Variants in TMEM145 observed in about 807,000 individuals in gnomAD.
TMEM145 encodes transmembrane protein 145.
In TMEM145, 46 loss-of-function variants were observed where a neutral mutation model predicts 68.5. That is an observed-to-expected ratio of 0.67 (90% CI 0.53 to 0.86). The LOEUF is 0.86. Among genes scored for constraint, TMEM145 ranks in the 40% least tolerant of loss-of-function variants. The pLI, the probability that TMEM145 is intolerant of heterozygous loss-of-function variation, is 0.00. For synonymous variants in TMEM145, 255 were observed against 280.2 expected, an observed-to-expected ratio of 0.91 and a Z score of 0.90; for missense variants, 570 against 645.8, an observed-to-expected ratio of 0.88 and a Z score of 1.27.
At chr19:42,322,947 C>T (rs554024314) in intron 13 of TMEM145, among the ~76,000 whole-genome samples, 28 of 152,152 alleles carry the variant, frequency 1.8e-4, no homozygotes, top group African/African-American at 6.3e-4. Context: ...GTGATCCGCC[C>T]GCCTCGGCCT....
intron 14 of TMEM145, 73 bp downstream of exon 14, chr19:42,323,862 C>G: frequency 7.4e-7 from 1 of 1,360,456 alleles, no homozygotes; most frequent in Non-Finnish European, 1.0e-6. Flanking sequence ...GCTCCCGGCC[C>G]CGCCGCCGCC....
chr19:42,320,505 A>G lies in TMEM145; in HGVS notation c.1194+68A>G. 1.9e-6 allele frequency: 3 copies of G among 1,600,692 alleles called. No individual in the cohort carries two copies. In the South Asian group the frequency reaches 3.3e-5, roughly 18 times the overall value. Reference sequence around the variant, plus strand: ...GGCAGAAGATGTGTGAGGCTCCTACACCTGATCTGCTGGACCTCCTGTTCT... The same window carrying G: ...GGCAGAAGATGTGTGAGGCTCCTACGCCTGATCTGCTGGACCTCCTGTTCT... On this transcript the variant is annotated intron_variant, in intron 13 of 14. Coordinates refer to ENST00000301204, the MANE Select transcript of TMEM145 (RefSeq NM_173633.3).
At chr19:42,315,315 AGGTGAG>A (rs1176537671) in intron 7 of TMEM145, 51 bp from the exon 8 acceptor site, 1 of 1,613,466 alleles carries the variant, frequency 6.2e-7, no homozygotes, top group Non-Finnish European at 8.5e-7. Flanking sequence ...GGGTTGGGGG[AGGTGAG>A]CTGCTCTCCC....
chr19:42,319,988 A>G (rs2038896409), intron 12 of TMEM145, among the ~76,000 whole-genome samples: 1 of 151,878 alleles, frequency 6.6e-6, no homozygotes, highest in Non-Finnish European at 1.5e-5. Context: ...CGAACTCCCA[A>G]CCTCAGGTGA....
At chr19:42,324,267 C>A in intron 14 of TMEM145, 1 of 985,248 alleles carries the variant, frequency 1.0e-6, no homozygotes, top group Non-Finnish European at 1.2e-6. Flanking sequence ...TGACCCTGAC[C>A]CCCCTCCCAG....
intron 9 of TMEM145, 49 bp from the exon 10 acceptor site, chr19:42,316,613 C>T (rs1568547211): frequency 4.3e-6 from 7 of 1,613,140 alleles, no homozygotes; most frequent in Non-Finnish European, 5.1e-6. Flanking sequence ...TCAGGTTGGG[C>T]ATCAGGTCTG....
Position 42,323,645 on chromosome 19 carries a change from C to G in TMEM145, c.1257C>G (p.Ile419Met). The G allele has an allele frequency of 6.2e-7, 1 of 1,614,212 alleles. No homozygotes were observed. The highest frequency in any genetic ancestry group is 8.5e-7 in the Non-Finnish European group (1 of 1,180,026). Reference protein sequence around the residue: ...NFPYHVRTSQIASAGVPGPGG... With the variant: ...NFPYHVRTSQMASAGVPGPGG... The stretch of plus-strand genomic sequence containing the variant: ...CGTACCACGTGCGCACGTCGCAGAT[C>G]GCTTCAGCCGGAGTCCCTGGACCCG... Residue 419 changes from isoleucine to methionine, a missense_variant, in exon 14 of 15, where the codon ATC becomes ATG. By Grantham distance (10) the Ile-to-Met change is conservative. Transcript: ENST00000301204.
rs141686253 is a variant in TMEM145 at position 42,323,788 on chromosome 19, C to T, written c.1400C>T (p.Ser467Phe). 3.5e-3 allele frequency: 5,579 copies of T among 1,613,582 alleles called. 12 individuals are homozygous for T. The highest frequency in any genetic ancestry group is 5.3e-3 in the Middle Eastern group (32 of 6,062). The change falls in exon 14 of 15, where the codon TCC becomes TTC. Residue 467 changes from serine (S) to phenylalanine (F), a missense_variant and splice_region_variant. Ser to Phe is a radical substitution (Grantham distance 155, BLOSUM62 -2). Transcript: ENST00000301204. Reference protein sequence around the residue: ...ELFSIPPPATSPLPRAAPDSG... With the variant: ...ELFSIPPPATFPLPRAAPDSG... The stretch of plus-strand genomic sequence containing the variant: ...TTCTCCATCCCCCCGCCCGCCACCT[C>T]CGTAAGCCCCGCGGCCCCAGCGCCC...
At position 42,316,672 on chromosome 19, in the gene TMEM145, C is replaced by G; in HGVS notation, c.738C>G (p.Leu246=). 3 of 1,613,922 alleles carry G rather than the reference C, an allele frequency of 1.9e-6. No individual in the cohort carries two copies. Among genetic ancestry groups the G allele is most frequent in the Non-Finnish European group, 1.7e-6 (2 of 1,180,010 alleles). Residue 246 remains leucine (L), a synonymous_variant, in exon 10 of 15, where the codon CTC becomes CTG. Coordinates refer to ENST00000301204, the MANE Select transcript of TMEM145 (RefSeq NM_173633.3). ...NESVKILAKL[L]FSSSFLIFLL... ...CCTCCCTTCTCCCAGCCAAGCTGCT[C>G]TTCTCCTCCAGCTTCCTCATCTTCC...
intron 11 of TMEM145, 71 bp from the exon 12 acceptor site, chr19:42,317,638 G>A: frequency 6.5e-7 from 1 of 1,534,628 alleles, no homozygotes; most frequent in Non-Finnish European, 8.9e-7. Context: ...CAAGTGCCCA[G>A]GGGTGGGGTC....
rs1467739554 is a variant in TMEM145, at chr19:42,324,780, G to A, written c.1445G>A (p.Arg482His). ...AAPDSGLPLFRDLRPPGPLRD... is the reference protein window; with the variant it reads ...AAPDSGLPLFHDLRPPGPLRD... ...CCGGATTCTGGGCTCCCGCTGTTCC[G>A]TGACCTCCGGCCCCCTGGCCCCCTT... Residue 482 changes from arginine to histidine, a missense_variant, in exon 15 of 15, where the codon CGT (arginine) becomes CAT (histidine). By Grantham distance (29) the Arg-to-His change is conservative (BLOSUM62 0). Transcript: ENST00000301204. The A allele has an allele frequency of 1.9e-6, 3 of 1,566,426 alleles. No homozygotes were observed. The highest frequency in any genetic ancestry group is 1.4e-5 in the African/African-American group (1 of 71,384).
Position 42,323,631 on chromosome 19 carries a change from C to A in TMEM145, c.1243C>A (p.Arg415Ser), listed in dbSNP as rs538955718. Residue 415 changes from arginine to serine, a missense_variant, in exon 14 of 15, where the codon CGC (arginine) becomes AGC (serine). By Grantham distance (110) the Arg-to-Ser change is moderately radical. Transcript: ENST00000301204. ...CAACAAGAACTTCCCGTACCACGTG[C>A]GCACGTCGCAGATCGCTTCAGCCGG... ...AANKNFPYHV[R>S]TSQIASAGVP... 1 of 1,614,184 alleles carries A rather than the reference C, an allele frequency of 6.2e-7. No individual in the cohort carries two copies.
chr19:42,323,630 GCGCACGT>G lies in TMEM145; in HGVS notation c.1247_1253del (p.Thr416ArgfsTer28), dbSNP rs2038932107. On this transcript the variant is annotated frameshift_variant, in exon 14 of 15. Transcript: ENST00000301204. LOFTEE classifies it high-confidence loss of function. ...CCAACAAGAACTTCCCGTACCACGT[GCGCACGT>G]CGCAGATCGCTTCAGCCGGAGTCCC... The G allele has an allele frequency of 1.9e-6, 3 of 1,614,162 alleles. No individual in the cohort carries two copies. Among genetic ancestry groups the G allele is most frequent in the Non-Finnish European group, 8.5e-7 (1 of 1,180,018 alleles).
At position 42,320,449 on chromosome 19, in the gene TMEM145, C is replaced by T; in HGVS notation, c.1194+12C>T. The stretch of plus-strand genomic sequence containing the variant: ...ATGGCGTGTTTCTGGTGAGGATGGG[C>T]ATCTGTGGGGGGTGGAGGGGAGGAC... On this transcript the variant is annotated intron_variant, in intron 13 of 14. Transcript: ENST00000301204. 6.2e-7 allele frequency: 1 copy of T among 1,613,578 alleles called. No homozygotes were observed. Among genetic ancestry groups the T allele is most frequent in the South Asian group, 1.1e-5 (1 of 91,080 alleles).
chr19:42,322,067 C>A (rs1343823982), intron 13 of TMEM145, among the ~76,000 whole-genome samples: 1 of 152,160 alleles, frequency 6.6e-6, no homozygotes, highest in Non-Finnish European at 1.5e-5. Context: ...GACCCAGTGT[C>A]CCAGCTTCTG....
intron 8 of TMEM145, among the ~76,000 whole-genome samples, chr19:42,316,155 C>T (rs942224911): frequency 7.7e-6 from 1 of 129,702 alleles, no homozygotes; most frequent in Non-Finnish European, 1.6e-5. Flanking sequence ...CCCCTGGGTC[C>T]TGGAGGAGGA....
intron 8 of TMEM145, among the ~76,000 whole-genome samples, chr19:42,316,012 A>G (rs572278404): frequency 4.6e-5 from 7 of 152,130 alleles, no homozygotes; most frequent in African/African-American, 1.7e-4. Context: ...CCTGGGTGAC[A>G]GAGAGAGACT....
Position 42,313,580 on chromosome 19 carries a change from C to T in TMEM145, c.120+84C>T, listed in dbSNP as rs951215114. The stretch of plus-strand genomic sequence containing the variant: ...GAGGGGAGCGGGTACCGCCTCGCCC[C>T]CTGCCGCCCCTCCTGGCGGACTCCG... On this transcript the variant is annotated intron_variant, in intron 1 of 14. Coordinates refer to ENST00000301204, the MANE Select transcript of TMEM145 (RefSeq NM_173633.3). This position sits in a 1 kb window ranked among gnomAD's most constrained non-coding sequence, Gnocchi z 5.1. 9.3e-7 allele frequency: 1 copy of T among 1,072,830 alleles called. No homozygotes were observed. The highest frequency in any genetic ancestry group is 1.2e-6 in the Non-Finnish European group (1 of 837,362). 66.5% of individuals were successfully genotyped at this position (1,072,830 alleles called of 1,614,324 possible).
At chr19:42,324,614 C>T (rs1471005149) in intron 14 of TMEM145, 123 bp from the exon 15 acceptor site, 2 of 1,337,506 alleles carry the variant, frequency 1.5e-6, no homozygotes, top group African/African-American at 3.1e-5. Context: ...GAGAGCTCGC[C>T]CATCCCCGGC....
Sources: gnomAD v4.1 joint callset for allele counts (sites outside exome capture counted in the v4.1 genomes callset) on GRCh38, gnomAD v4.1.1 for gene constraint, Gnocchi (gnomAD v3.1) non-coding constraint, MANE v1.5 for transcripts, NCBI Gene and HGNC (gene_info 2026-07-23, HGNC 2026-07-21) for gene names.